Variants in COG7 observed in about 807,000 individuals in gnomAD.
COG7 encodes the protein component of oligomeric golgi complex 7.
COG7 carries 49 observed loss-of-function variants against 91.5 expected under a neutral mutation model. That is an observed-to-expected ratio of 0.54 (90% CI 0.43 to 0.68). The LOEUF is 0.68. Ranked by LOEUF, COG7 falls within the 30% of genes least tolerant of loss-of-function variation. The pLI is 0.00. For synonymous variants in COG7, 365 were observed against 388.7 expected, an observed-to-expected ratio of 0.94 and a Z score of 0.72; for missense variants, 895 against 961.3, an observed-to-expected ratio of 0.93 and a Z score of 0.91.
chr16:23,429,876 G>T (rs1192742233), intron 6 of COG7, among the ~76,000 whole-genome samples: 1 of 152,190 alleles, frequency 6.6e-6, no homozygotes, highest in Admixed American at 6.5e-5. Flanking sequence ...AAAACACGCT[G>T]AGTGAAAGAA....
At chr16:23,415,600 G>A (rs935780496) in intron 9 of COG7, 1 of 152,170 alleles carries the variant, frequency 6.6e-6, no homozygotes, top group East Asian at 1.9e-4. Context: ...TCCTTGGAAA[G>A]GAGATATTGT....
chr16:23,443,745 C>G lies in COG7; in HGVS notation c.436-1100G>C, dbSNP rs534275468. Among the ~76,000 whole-genome samples the G allele has an allele frequency of 4.6e-5, 7 of 151,998 alleles. No homozygotes were observed. In the East Asian group the frequency reaches 1.4e-3, roughly 29 times the overall value. On this transcript the variant is annotated intron_variant, in intron 3 of 16. Transcript: ENST00000307149. ...TTGAGTGAAAAAATAAAGTGAAAAG[C>G]AGTGTTCACAATGAGCTTTGTGAGG...
At chr16:23,432,482 C>T (rs1963949737) in intron 6 of COG7, among the ~76,000 whole-genome samples, 1 of 151,670 alleles carries the variant, frequency 6.6e-6, no homozygotes, top group Admixed American at 6.6e-5. Context: ...AAAATCAGCC[C>T]TCAACACAAG....
chr16:23,453,135 G>A lies in COG7; in HGVS notation c.-141C>T. 4 of 1,462,434 alleles carry A rather than the reference G, an allele frequency of 2.7e-6. No individual in the cohort carries two copies. Among genetic ancestry groups the A allele is most frequent in the Non-Finnish European group, 2.7e-6 (3 of 1,104,584 alleles). The allele number at this position is 1,462,434 out of a possible 1,614,324, so 90.6% of individuals were successfully genotyped here. ...CCAGAAACGCCAGGACGGGTAACTT[G>A]CCCCTTTGCGCTTCCCCGCTCAGCG... On this transcript the variant is annotated 5_prime_UTR_variant, in exon 1 of 17. Coordinates refer to ENST00000307149, the MANE Select transcript of COG7 (RefSeq NM_153603.4).
intron 12 of COG7, among the ~76,000 whole-genome samples, chr16:23,404,890 A>G (rs1029452063): frequency 1.3e-5 from 2 of 152,220 alleles, no homozygotes; most frequent in African/African-American, 2.4e-5. Context: ...ACTGCACTCC[A>G]GCCTAGGCGA....
At chr16:23,452,724 C>G in intron 1 of COG7, 102 bp downstream of exon 1, 1 of 1,507,064 alleles carries the variant, frequency 6.6e-7, no homozygotes, top group Non-Finnish European at 8.9e-7. Flanking sequence ...TATTTGCTGT[C>G]CATGCGTGCC....
At chr16:23,391,309 C>T (rs1963191973) in intron 16 of COG7, among the ~76,000 whole-genome samples, 2 of 152,218 alleles carry the variant, frequency 1.3e-5, no homozygotes, top group Admixed American at 6.5e-5. Context: ...CTCACTAGTT[C>T]CAGTTCTTCC....
At chr16:23,409,088 T>TGTGTGTGTGTGTGTGTGTGCGC (rs567307217) in intron 11 of COG7, among the ~76,000 whole-genome samples, 93 of 147,906 alleles carry the variant, frequency 6.3e-4, no homozygotes, top group East Asian at 1.6e-3. Context: ...TGTGTGTGTG[T>TGTGTGTGTGTGTGTGTGTGCGC]GCGTGCATGT....
At chr16:23,416,561 G>A (rs1963657642) in intron 9 of COG7, 2 of 280,116 alleles carry the variant, frequency 7.1e-6, no homozygotes, top group Non-Finnish European at 1.4e-5. Flanking sequence ...TCGAACTCCT[G>A]AGTTTAAGCA....
intron 7 of COG7, among the ~76,000 whole-genome samples, chr16:23,419,107 A>G (rs1040385447): frequency 6.6e-6 from 1 of 152,250 alleles, no homozygotes; most frequent in African/African-American, 2.4e-5. Context: ...GAATCCCTTC[A>G]AAAGATAACC....
At chr16:23,394,637 G>A (rs1044507139) in intron 14 of COG7, among the ~76,000 whole-genome samples, 2 of 151,858 alleles carry the variant, frequency 1.3e-5, no homozygotes, top group African/African-American at 4.8e-5. Flanking sequence ...ACATGTCTAC[G>A]TAACAGCGGG....
intron 9 of COG7, chr16:23,414,884 C>G (rs560772944): frequency 6.6e-6 from 1 of 152,284 alleles, no homozygotes; most frequent in Admixed American, 6.5e-5. Context: ...GCATGCATCA[C>G]AAGAGGCCTT....
At chr16:23,401,735 G>A (rs1367904973) in intron 13 of COG7, among the ~76,000 whole-genome samples, 1 of 151,898 alleles carries the variant, frequency 6.6e-6, no homozygotes, top group Non-Finnish European at 1.5e-5. Context: ...AGAGCTTCTG[G>A]GGAATGAGTA....
intron 10 of COG7, chr16:23,413,212 G>A (rs1963594676): frequency 2.2e-6 from 1 of 461,968 alleles, no homozygotes; most frequent in African/African-American, 2.0e-5. Context: ...AGGAGATGAG[G>A]CATTTGTAAA....
At chr16:23,442,402 C>G in intron 4 of COG7, 75 bp downstream of exon 4, 6 of 1,318,026 alleles carry the variant, frequency 4.6e-6, no homozygotes, top group Non-Finnish European at 6.5e-6. Context: ...TTAAGACATT[C>G]TAAAAACTGA....
intron 10 of COG7, among the ~76,000 whole-genome samples, chr16:23,411,800 G>A (rs1422379377): frequency 6.6e-6 from 1 of 152,104 alleles, no homozygotes; most frequent in Non-Finnish European, 1.5e-5. Context: ...AGTGGGTGAA[G>A]TGCGCCAAGT....
intron 13 of COG7, 151 bp from the exon 14 acceptor site, chr16:23,398,280 A>C: frequency 2.9e-6 from 2 of 689,266 alleles, no homozygotes; most frequent in Non-Finnish European, 5.2e-6. Context: ...CTCAGCAGGC[A>C]GGGGCTTCTC....
At chr16:23,406,006 A>C in intron 12 of COG7, 70 bp downstream of exon 12, 3 of 1,433,024 alleles carry the variant, frequency 2.1e-6, no homozygotes, top group African/African-American at 1.4e-5. Context: ...CCTGTAACCC[A>C]GAGAGGGAGA....
At chr16:23,416,482 TCA>T (rs1963656455) in intron 9 of COG7, 1 of 228,610 alleles carries the variant, frequency 4.4e-6, no homozygotes, top group Non-Finnish European at 8.7e-6. Context: ...CCTCCACAGT[TCA>T]CAGAGGCATG....
Sources: allele counts gnomAD v4.1 joint callset (sites outside exome capture counted in the v4.1 genomes callset), GRCh38; gene constraint gnomAD v4.1.1; transcripts MANE v1.5; gene names NCBI Gene and HGNC (gene_info 2026-07-23, HGNC 2026-07-21).